DGKB: variants seen among roughly 807,000 people sequenced by gnomAD.
DGKB encodes diacylglycerol kinase beta, also known as 90 kDa diacylglycerol kinase.
A neutral mutation model predicts 114.3 loss-of-function variants in DGKB; 67 were observed. That is an observed-to-expected ratio of 0.59 (90% confidence interval 0.48 to 0.72). The LOEUF (loss-of-function observed/expected upper bound fraction) is 0.72. DGKB is among the 30% of genes least tolerant of loss of function. The probability of loss-of-function intolerance (pLI) is 0.00; values close to 1 mark genes in which losing one functional copy is unlikely to be tolerated. For synonymous variants in DGKB, 398 were observed against 323.1 expected (o/e 1.23, Z -2.49); for missense variants, 907 against 975.2 (o/e 0.93, Z 0.93).
chr7:14,305,370 A>G (rs1804295859), intron 23 of DGKB, among the ~76,000 whole-genome samples: 1 of 152,130 alleles, frequency 6.6e-6, no homozygotes, highest in African/African-American at 2.4e-5. Flanking sequence ...TGTGAGTGGG[A>G]ACATGTGATA....
In DGKB at chr7:14,968,960, G is replaced by C. The variant is rs73679600; in HGVS notation, c.-188+5736C>G. On this transcript the variant is annotated intron_variant, in intron 1 of 4. Coordinates refer to the DGKB transcript ENST00000437998. Reference sequence around the variant, plus strand: ...TACATATTTAAAACTAAATATAAGAGAGTCCATTCACTTTTGCAGAATTCA... The same window carrying C: ...TACATATTTAAAACTAAATATAAGACAGTCCATTCACTTTTGCAGAATTCA... 2.5e-3 allele frequency among the ~76,000 whole-genome samples: 383 copies of C among 152,190 alleles called. 1 individual carries two copies. Among genetic ancestry groups the C allele is most frequent in the African/African-American group, 8.3e-3 (346 of 41,522 alleles).
At chr7:14,414,233 C>G (rs1246785851) in intron 21 of DGKB, among the ~76,000 whole-genome samples, 1 of 151,916 alleles carries the variant, frequency 6.6e-6, no homozygotes, top group Non-Finnish European at 1.5e-5. Flanking sequence ...AGAACAAGTT[C>G]GAGATAAGTG....
At chr7:14,833,861 T>A (rs980838064) in intron 2 of DGKB, among the ~76,000 whole-genome samples, 15 of 152,058 alleles carry the variant, frequency 9.9e-5, no homozygotes, top group Non-Finnish European at 2.1e-4. Flanking sequence ...TAAAACCCCA[T>A]TCCACTCTCA....
intron 23 of DGKB, among the ~76,000 whole-genome samples, chr7:14,193,560 G>A (rs749441726): frequency 2.0e-5 from 3 of 152,146 alleles, no homozygotes; most frequent in Non-Finnish European, 4.4e-5. Context: ...ATGAATTAAA[G>A]ATTTAAATGT....
chr7:14,193,988 CACA>C (rs1169304153), intron 23 of DGKB, among the ~76,000 whole-genome samples: 3 of 151,942 alleles, frequency 2.0e-5, no homozygotes, highest in Admixed American at 6.6e-5. Context: ...AAATGAAAAC[CACA>C]ACGAGATGTT....
chr7:14,866,190 T>C (rs1055246494), intron 1 of DGKB, among the ~76,000 whole-genome samples: 1 of 152,158 alleles, frequency 6.6e-6, no homozygotes, highest in Non-Finnish European at 1.5e-5. Context: ...TATACATCCC[T>C]AGCTTCCACT....
In DGKB at chr7:14,501,573, C is replaced by CTTT. The variant is rs1786187107; in HGVS notation, c.1771-23349_1771-23348insAAA. Among the ~76,000 whole-genome samples the CTTT allele has an allele frequency of 2.0e-5, 3 of 151,798 alleles. No individual in the cohort carries two copies. In the South Asian group the frequency reaches 6.2e-4, roughly 31 times the overall value. On this transcript the variant is annotated intron_variant, in intron 20 of 25. Transcript: ENST00000402815. ...TGTCTCTGGAAAAGAGGTAATGACT[C>CTTT]AAACAGAAGAATCAAGAGCTCAGAG...
intron 23 of DGKB, among the ~76,000 whole-genome samples, chr7:14,217,681 A>G (rs1789222055): frequency 6.6e-6 from 1 of 152,104 alleles, no homozygotes; most frequent in Admixed American, 6.6e-5. Context: ...GAAAAAAAAA[A>G]TCATACGTCC....
chr7:14,864,673 C>G (rs1383666675), intron 1 of DGKB, among the ~76,000 whole-genome samples: 1 of 151,732 alleles, frequency 6.6e-6, no homozygotes, highest in African/African-American at 2.4e-5. Context: ...GAAGCAGCAG[C>G]GATTAGCCAG....
chr7:14,796,632 A>T (rs914214748), intron 2 of DGKB, among the ~76,000 whole-genome samples: 2 of 151,864 alleles, frequency 1.3e-5, no homozygotes, highest in Non-Finnish European at 2.9e-5. Flanking sequence ...AGCAAAGATC[A>T]TTGTAACAGT....
chr7:14,426,236 T>C (rs1827504307), intron 21 of DGKB, among the ~76,000 whole-genome samples: 1 of 152,214 alleles, frequency 6.6e-6, no homozygotes, highest in South Asian at 2.1e-4. Flanking sequence ...TTGGAGATGC[T>C]GGCTCATTGC....
At chr7:14,373,277 C>G (rs1817970230) in intron 21 of DGKB, among the ~76,000 whole-genome samples, 1 of 152,122 alleles carries the variant, frequency 6.6e-6, no homozygotes, top group Non-Finnish European at 1.5e-5. Flanking sequence ...GTAACGCTTC[C>G]TAACATGTTT....
At chr7:14,689,912 A>C (rs552389219) in intron 9 of DGKB, among the ~76,000 whole-genome samples, 1 of 152,322 alleles carries the variant, frequency 6.6e-6, no homozygotes, top group Admixed American at 6.5e-5. Context: ...ATGTGTCTTA[A>C]ACAATCTCAG....
chr7:14,187,930 CAG>C (rs1042305000), intron 23 of DGKB, among the ~76,000 whole-genome samples: 3 of 151,606 alleles, frequency 2.0e-5, no homozygotes, highest in African/African-American at 7.3e-5. Context: ...TAAGAGAACA[CAG>C]AGAAACAATT....
Position 14,149,044 on chromosome 7 carries a change from G to A in DGKB, c.*87C>T, listed in dbSNP as rs1781787457. Reference sequence around the variant, plus strand: ...CTTCCATGATTTTGCATGAGCAGGAGACTTGAAATGGTTCAAAGATTTCCA... The same window carrying A: ...CTTCCATGATTTTGCATGAGCAGGAAACTTGAAATGGTTCAAAGATTTCCA... On this transcript the variant is annotated 3_prime_UTR_variant, in exon 26 of 26. Transcript: ENST00000402815. 5 of 1,155,398 alleles carry A rather than the reference G, an allele frequency of 4.3e-6. No individual in the cohort carries two copies. In the South Asian group the frequency reaches 6.2e-5, roughly 14 times the overall value. The allele number at this position is 1,155,398 out of a possible 1,614,324, so 71.6% of individuals were successfully genotyped here. A position where few individuals can be genotyped will look rare whatever the true frequency, so the allele number is the denominator to read the frequency against.
In DGKB at chr7:14,229,256, G is replaced by C. The variant is rs116649917; in HGVS notation, c.2123-51105C>G. ...TACAGTAATGCATTGCTCAACAACA[G>C]GGATACATTCTGATAAGTGTGTTGT... On this transcript the variant is annotated intron_variant, in intron 23 of 25. Transcript: ENST00000402815. Among the ~76,000 whole-genome samples, 1,486 of 151,950 alleles carry C rather than the reference G, an allele frequency of 9.8e-3. 30 individuals carry two copies. Among genetic ancestry groups the C allele is most frequent in the African/African-American group, 0.034 (1,427 of 41,466 alleles).
intron 16 of DGKB, among the ~76,000 whole-genome samples, chr7:14,608,157 T>C (rs1209802614): frequency 6.6e-6 from 1 of 152,010 alleles, no homozygotes; most frequent in African/African-American, 2.4e-5. Flanking sequence ...TTTCTATGCA[T>C]GCACATATCT....
intron 1 of DGKB, among the ~76,000 whole-genome samples, chr7:14,875,407 CT>C (rs1456192059): frequency 1.3e-5 from 2 of 152,024 alleles, no homozygotes; most frequent in Middle Eastern, 3.2e-3. Context: ...AGTCACCATG[CT>C]TTTTTAAAAA....
In DGKB at chr7:14,651,307, A is replaced by T. The variant is rs1487693117; in HGVS notation, c.1135-21039T>A. Among the ~76,000 whole-genome samples, 15 of 152,172 alleles carry T rather than the reference A, an allele frequency of 9.9e-5. No individual in the cohort carries two copies. In the South Asian group the frequency reaches 1.2e-3, roughly 13 times the overall value. ...TCAAAAAGCTTATCCACCATGATCAAGTGGGCTTCATCCCTGGGATGCAAG... is the reference window on the plus strand; with the variant it reads ...TCAAAAAGCTTATCCACCATGATCATGTGGGCTTCATCCCTGGGATGCAAG... On this transcript the variant is annotated intron_variant, in intron 13 of 25. Transcript: ENST00000402815.
Sources: gnomAD v4.1 joint callset for allele counts (sites outside exome capture counted in the v4.1 genomes callset) on GRCh38, gnomAD v4.1.1 for gene constraint, MANE v1.5 for transcripts, NCBI Gene and HGNC (gene_info 2026-07-23, HGNC 2026-07-21) for gene names.